EXOC4: variants seen among roughly 807,000 people sequenced by gnomAD.
EXOC4 encodes the protein SEC8-like 1.
A neutral mutation model predicts 107.2 loss-of-function variants in EXOC4; 71 were observed. The ratio of observed to expected loss-of-function variants is 0.66; its 90% CI spans 0.55 to 0.81. The LOEUF is 0.81. Ranked by LOEUF, EXOC4 falls within the 30% of genes least tolerant of loss-of-function variation. The pLI, the probability that EXOC4 is intolerant of heterozygous loss-of-function variation, is 0.00. For synonymous variants in EXOC4, 456 were observed against 441.2 expected, an observed-to-expected ratio of 1.03 and a Z score of -0.42; for missense variants, 1,108 against 1,189.6, an observed-to-expected ratio of 0.93 and a Z score of 1.01.
At chr7:133,767,454 T>C (rs112686486) in intron 10 of EXOC4, among the ~76,000 whole-genome samples, 1 of 151,752 alleles carries the variant, frequency 6.6e-6, no homozygotes, top group African/African-American at 2.4e-5. Context: ...CACACACACA[T>C]ACACACACAC....
At chr7:134,097,242 T>C in the EXOC4 span, among the ~76,000 whole-genome samples, 4 of 152,164 alleles carry the variant, frequency 2.6e-5, no homozygotes, top group East Asian at 7.7e-4. Flanking sequence ...TTAAGCCTCT[T>C]ATCTAATTCT....
intron 7 of EXOC4, among the ~76,000 whole-genome samples, chr7:133,412,824 T>TC (rs1284332793): frequency 6.6e-6 from 1 of 152,106 alleles, no homozygotes; most frequent in African/African-American, 2.4e-5. Flanking sequence ...TTTCTTTTTT[T>TC]CCCATGAAAA....
At chr7:133,403,837 A>G (rs1797148455) in intron 7 of EXOC4, among the ~76,000 whole-genome samples, 1 of 152,134 alleles carries the variant, frequency 6.6e-6, no homozygotes, top group African/African-American at 2.4e-5. Flanking sequence ...AGGCTGAGGT[A>G]GGAAGGTAGC....
chr7:133,331,335 A>G (rs990171026), intron 5 of EXOC4, among the ~76,000 whole-genome samples: 1 of 152,230 alleles, frequency 6.6e-6, no homozygotes, highest in African/African-American at 2.4e-5. Flanking sequence ...CTATAAATCA[A>G]TAAAACAAGC....
At position 133,971,347 on chromosome 7, in the gene EXOC4, T is replaced by TAC. The variant is rs1801220071; in HGVS notation, c.2207-26144_2207-26143insCA. Among the ~76,000 whole-genome samples the TAC allele has an allele frequency of 7.2e-5, 7 of 97,536 alleles. No homozygotes were observed. In the Admixed American group the frequency reaches 7.8e-4, roughly 11 times the overall value. The allele number at this position is 97,536 out of a possible 152,430, so 64.0% of individuals were successfully genotyped here. A position where few individuals can be genotyped will look rare whatever the true frequency, so the allele number is the denominator to read the frequency against. Reference sequence around the variant, plus strand: ...TGGGGAAAATGTGTATATATATATATATATATATATATATAGAGAGAGAGA... The same window carrying TAC: ...TGGGGAAAATGTGTATATATATATATACATATATATATATATAGAGAGAGAGA... On this transcript the variant is annotated intron_variant, in intron 14 of 17. Transcript: ENST00000253861.
intron 7 of EXOC4, among the ~76,000 whole-genome samples, chr7:133,430,509 A>G (rs1242965496): frequency 1.3e-5 from 2 of 152,078 alleles, no homozygotes; most frequent in East Asian, 1.9e-4. Flanking sequence ...TTGTTTATCC[A>G]TTCATCAGTT....
chr7:134,034,801 G>T (rs75064563), intron 17 of EXOC4, among the ~76,000 whole-genome samples: 1 of 152,160 alleles, frequency 6.6e-6, no homozygotes, highest in South Asian at 2.1e-4. Flanking sequence ...ATAATCCTTA[G>T]CATCACTGGC....
chr7:133,425,659 C>A (rs181714724), intron 7 of EXOC4, among the ~76,000 whole-genome samples: 1 of 152,228 alleles, frequency 6.6e-6, no homozygotes, highest in East Asian at 1.9e-4. Flanking sequence ...TGGACATGCC[C>A]CATTATACCT....
intron 2 of EXOC4, among the ~76,000 whole-genome samples, chr7:133,286,480 A>G (rs1794279508): frequency 6.6e-6 from 1 of 152,136 alleles, no homozygotes. Context: ...TCCATTCTGC[A>G]GGCTTTCTGT....
rs146610536 is a variant in EXOC4, at chr7:133,282,712, A to G, written c.277-6210A>G. Among the ~76,000 whole-genome samples the G allele has an allele frequency of 7.1e-3, 1,086 of 152,274 alleles. 13 individuals are homozygous for G. Among genetic ancestry groups the G allele is most frequent in the African/African-American group, 0.024 (1,016 of 41,562 alleles). ...GAGCATGATGTTTTGAAATATGTAT[A>G]CACTGTGGAATGGCTAAACCAAGCT... On this transcript the variant is annotated intron_variant, in intron 2 of 17. Coordinates refer to ENST00000253861, the MANE Select transcript of EXOC4 (RefSeq NM_021807.4).
chr7:133,385,466 G>A (rs1409562025), intron 7 of EXOC4, among the ~76,000 whole-genome samples: 3 of 152,170 alleles, frequency 2.0e-5, no homozygotes, highest in Non-Finnish European at 2.9e-5. Context: ...ACCGGATTCA[G>A]CAACATTTCA....
chr7:133,853,123 G>T (rs1330704551), intron 11 of EXOC4, among the ~76,000 whole-genome samples: 2 of 152,060 alleles, frequency 1.3e-5, no homozygotes, highest in Admixed American at 1.3e-4. Flanking sequence ...TTTGACTGTG[G>T]TTTAAGCAAT....
intron 10 of EXOC4, among the ~76,000 whole-genome samples, chr7:133,735,250 A>AAAAAG (rs1795419196): frequency 6.8e-6 from 1 of 148,096 alleles, no homozygotes; most frequent in Non-Finnish European, 1.5e-5. Flanking sequence ...AAAAAAAAAA[A>AAAAAG]AAGTTAAAGT....
intron 12 of EXOC4, among the ~76,000 whole-genome samples, chr7:133,896,075 G>C (rs1057162671): frequency 2.0e-5 from 3 of 152,178 alleles, no homozygotes; most frequent in African/African-American, 7.2e-5. Flanking sequence ...GATCCTTAAA[G>C]TAGAGCAATT....
intron 4 of EXOC4, among the ~76,000 whole-genome samples, chr7:133,307,089 A>C (rs1476431676): frequency 6.6e-6 from 1 of 152,182 alleles, no homozygotes; most frequent in African/African-American, 2.4e-5. Flanking sequence ...CTTCATTCAG[A>C]TATAGACAAG....
At chr7:133,820,585 G>A (rs953482812) in intron 11 of EXOC4, among the ~76,000 whole-genome samples, 2 of 152,214 alleles carry the variant, frequency 1.3e-5, no homozygotes, top group Non-Finnish European at 2.9e-5. Context: ...AGAAATATGT[G>A]TGTGCGTGAA....
intron 1 of EXOC4, among the ~76,000 whole-genome samples, chr7:133,254,237 T>C (rs1240228614): frequency 2.6e-5 from 4 of 152,170 alleles, no homozygotes; most frequent in Non-Finnish European, 5.9e-5. Context: ...ATCTTATGGG[T>C]CTTATTTAGG....
At chr7:133,684,298 T>G (rs777205940) in intron 10 of EXOC4, among the ~76,000 whole-genome samples, 8 of 152,184 alleles carry the variant, frequency 5.3e-5, no homozygotes, top group Non-Finnish European at 1.2e-4. Flanking sequence ...AGTTGTGCAA[T>G]GCGCTCATAA....
At chr7:133,851,121 C>T (rs550547449) in intron 11 of EXOC4, among the ~76,000 whole-genome samples, 1 of 152,270 alleles carries the variant, frequency 6.6e-6, no homozygotes, top group South Asian at 2.1e-4. Context: ...ACAAATACTT[C>T]TGGAGCCACT....
Sources: gnomAD v4.1 joint callset for allele counts (sites outside exome capture counted in the v4.1 genomes callset) on GRCh38, gnomAD v4.1.1 for gene constraint, MANE v1.5 for transcripts, NCBI Gene and HGNC (gene_info 2026-07-23, HGNC 2026-07-21) for gene names.